FOXP1: variants seen among roughly 807,000 people sequenced by gnomAD.
FOXP1 encodes forkhead box P1, also known as forkhead box protein P1.
In FOXP1, 15 loss-of-function variants were observed where a neutral mutation model predicts 98.2. That is an observed-to-expected ratio of 0.15 (90% confidence interval 0.10 to 0.24). The LOEUF is 0.24. Among genes scored for constraint, FOXP1 ranks in the 10% least tolerant of loss-of-function variants. The pLI is 1.00. For synonymous variants in FOXP1, 371 were observed against 314.5 expected, an observed-to-expected ratio of 1.18 and a Z score of -1.90; for missense variants, 633 against 848.5, an observed-to-expected ratio of 0.75 and a Z score of 3.15.
chr3:71,169,955 T>G (rs1453629840), intron 6 of FOXP1, among the ~76,000 whole-genome samples: 1 of 152,190 alleles, frequency 6.6e-6, no homozygotes, highest in Non-Finnish European at 1.5e-5. Flanking sequence ...AATTTAAGTT[T>G]CATGCCAATT....
At chr3:71,394,837 A>G (rs543143223) in intron 3 of FOXP1, among the ~76,000 whole-genome samples, 1 of 152,272 alleles carries the variant, frequency 6.6e-6, no homozygotes, top group South Asian at 2.1e-4. Flanking sequence ...GCGGTGGCTA[A>G]CGCCTGTAAT....
chr3:70,985,821 T>G (rs1343505398), intron 14 of FOXP1, among the ~76,000 whole-genome samples: 1 of 152,190 alleles, frequency 6.6e-6, no homozygotes, highest in Non-Finnish European at 1.5e-5. Context: ...TTATATTGGC[T>G]TGTAGCGCTG....
intron 4 of FOXP1, among the ~76,000 whole-genome samples, chr3:71,348,522 C>CGTGTGCGT (rs1553853165): frequency 1.4e-5 from 1 of 69,924 alleles, no homozygotes; most frequent in African/African-American, 3.7e-5. Context: ...TGTGTGTGTG[C>CGTGTGCGT]GTGTGTGTGT....
intron 14 of FOXP1, among the ~76,000 whole-genome samples, chr3:70,985,625 TA>T (rs1038387785): frequency 2.0e-5 from 3 of 152,148 alleles, no homozygotes; most frequent in Non-Finnish European, 4.4e-5. Flanking sequence ...ACATGTAAGT[TA>T]AAGGATAAGG....
chr3:70,959,502 G>T, intron 20 of FOXP1, 111 bp from the exon 21 acceptor site: 1 of 1,161,772 alleles, frequency 8.6e-7, no homozygotes, highest in Non-Finnish European at 1.3e-6. Context: ...CTAGAACTCT[G>T]TCCAGTATTG....
Position 70,988,015 on chromosome 3 carries a change from T to A in FOXP1, c.1125A>T (p.Glu375Asp), listed in dbSNP as rs1382652596. ...MMTHLHVKST[E>D]PKAAPQPLNL... ...TTACGGGCTGAGGGGCGGCTTTGGG[T>A]TCTGTAGACTTCACATGCAGGTGGG... Residue 375 changes from glutamate to aspartate, a missense_variant, in exon 14 of 21, where the codon GAA (glutamate) becomes GAT (aspartate). This residue lies in a region of FOXP1 where 141 missense variants were observed against 199.5 expected (regional missense o/e 0.71). Transcript: ENST00000649528. 6 of 1,614,080 alleles carry A rather than the reference T, an allele frequency of 3.7e-6. No homozygotes were observed. The highest frequency in any genetic ancestry group is 3.3e-4 in the Middle Eastern group (2 of 6,060).
chr3:71,510,483 A>G (rs1282345802), intron 2 of FOXP1, among the ~76,000 whole-genome samples: 1 of 152,196 alleles, frequency 6.6e-6, no homozygotes. Context: ...TCTCTAAAAA[A>G]AAAAAATCAG....
At chr3:71,204,906 G>C (rs939499122) in intron 5 of FOXP1, among the ~76,000 whole-genome samples, 4 of 152,146 alleles carry the variant, frequency 2.6e-5, no homozygotes, top group African/African-American at 9.7e-5. Flanking sequence ...CCTGACCCGG[G>C]TCCCATTTCA....
At chr3:71,459,891 G>A (rs184208027) in intron 3 of FOXP1, among the ~76,000 whole-genome samples, 41 of 151,266 alleles carry the variant, frequency 2.7e-4, no homozygotes, top group Non-Finnish European at 5.0e-4. Context: ...GAAAGATTAC[G>A]TGCCATTGGA....
At chr3:71,424,158 C>G (rs1348603426) in intron 3 of FOXP1, among the ~76,000 whole-genome samples, 1 of 152,084 alleles carries the variant, frequency 6.6e-6, no homozygotes, top group Non-Finnish European at 1.5e-5. Context: ...TAACAAAGAA[C>G]TGCGCTGAAG....
chr3:71,064,788 G>T (rs1467737666), intron 7 of FOXP1: 4 of 984,738 alleles, frequency 4.1e-6, no homozygotes, highest in Non-Finnish European at 4.8e-6. Context: ...GGGGGAAGGA[G>T]AGCGAAACCG....
chr3:71,183,190 G>A (rs981511854), intron 6 of FOXP1, among the ~76,000 whole-genome samples: 19 of 152,130 alleles, frequency 1.2e-4, no homozygotes, highest in African/African-American at 4.3e-4. Flanking sequence ...TGGTGGTGAT[G>A]ATGATAAGAA....
chr3:71,558,170 G>A (rs1444581399), intron 2 of FOXP1, among the ~76,000 whole-genome samples: 1 of 152,126 alleles, frequency 6.6e-6, no homozygotes, highest in Non-Finnish European at 1.5e-5. Flanking sequence ...GACTGATGTT[G>A]GCCTCTCATC....
At chr3:71,202,919 T>G (rs895468193) in intron 5 of FOXP1, among the ~76,000 whole-genome samples, 2 of 152,194 alleles carry the variant, frequency 1.3e-5, no homozygotes, top group East Asian at 1.9e-4. Flanking sequence ...TCAAGGGACG[T>G]TGCACCCTCT....
intron 14 of FOXP1, among the ~76,000 whole-genome samples, chr3:70,983,881 C>T (rs1018690025): frequency 1.3e-5 from 2 of 152,082 alleles, no homozygotes; most frequent in Admixed American, 1.3e-4. Flanking sequence ...TTTTTCACTC[C>T]CTCCCCCAAA....
intron 11 of FOXP1, among the ~76,000 whole-genome samples, chr3:71,019,326 A>C (rs1226267905): frequency 1.3e-5 from 2 of 152,220 alleles, no homozygotes; most frequent in Non-Finnish European, 2.9e-5. Flanking sequence ...CCAATGTGTA[A>C]AGTATCATTT....
At chr3:71,261,638 G>A (rs2069146100) in intron 5 of FOXP1, among the ~76,000 whole-genome samples, 1 of 151,990 alleles carries the variant, frequency 6.6e-6, no homozygotes, top group Non-Finnish European at 1.5e-5. Flanking sequence ...CTAAAGCTGT[G>A]TTACTGAGAA....
chr3:71,089,428 C>T (rs923214673), intron 7 of FOXP1, among the ~76,000 whole-genome samples: 3 of 152,172 alleles, frequency 2.0e-5, no homozygotes, highest in Non-Finnish European at 4.4e-5. Context: ...TCATGAGATG[C>T]TATGAGCCTG....
intron 6 of FOXP1, chr3:71,130,606 G>C (rs2107917872): frequency 1.3e-6 from 2 of 1,598,318 alleles, no homozygotes; most frequent in Middle Eastern, 3.3e-4. Context: ...GGGTTGCCGA[G>C]TGGTAAAAAA....
Sources: allele counts gnomAD v4.1 joint callset (sites outside exome capture counted in the v4.1 genomes callset), GRCh38; gene constraint gnomAD v4.1.1; regional missense constraint gnomAD v4.1.1; transcripts MANE v1.5; gene names NCBI Gene and HGNC (gene_info 2026-07-23, HGNC 2026-07-21).